TRPA1: variants seen among roughly 807,000 people sequenced by gnomAD.
TRPA1 encodes the protein ankyrin-like with transmembrane domains 1.
In TRPA1, 129 loss-of-function variants were observed where a neutral mutation model predicts 131.3. That is an observed-to-expected ratio of 0.98 (90% CI 0.85 to 1.14). TRPA1 has a LOEUF of 1.14. Ranked by LOEUF, TRPA1 falls within the 50% of genes most tolerant of loss-of-function variation. TRPA1 has a pLI of 0.00. For missense variants in TRPA1, 1,304 were observed against 1,354.2 expected (o/e 0.96, Z 0.58); for synonymous variants, 441 against 451.7 (o/e 0.98, Z 0.30).
At chr8:72,073,323 TC>T (rs1806106221) in intron 1 of TRPA1, among the ~76,000 whole-genome samples, 1 of 152,244 alleles carries the variant, frequency 6.6e-6, no homozygotes, top group Non-Finnish European at 1.5e-5. Flanking sequence ...GCTAAAAGCA[TC>T]AGTCCAATGG....
chr8:72,053,835 G>T lies in TRPA1; in HGVS notation c.1562C>A (p.Ala521Glu), dbSNP rs139821338. Residue 521 changes from alanine to glutamate, a missense_variant, in exon 13 of 27, where the codon GCG becomes GAG. Physicochemically the swap from Ala to Glu is moderately radical, Grantham distance 107. Transcript: ENST00000262209. Reference protein sequence around the residue: ...DHNGWTALHHASMGGYTQTMK... With the variant: ...DHNGWTALHHESMGGYTQTMK... ...GGTCTGAGTGTACCCGCCCATGGAC[G>T]CATGATGCAAAGCTGTCCAGCCATT... 1.2e-6 allele frequency: 2 copies of T among 1,611,882 alleles called. No individual in the cohort carries two copies. Among genetic ancestry groups the T allele is most frequent in the Admixed American group, 1.7e-5 (1 of 59,872 alleles).
chr8:72,044,829 C>T lies in TRPA1; in HGVS notation c.2061+1684G>A, dbSNP rs1045083980. 2.6e-5 allele frequency among the ~76,000 whole-genome samples: 4 copies of T among 151,946 alleles called. No homozygotes were observed. The East Asian group carries it at 7.7e-4, about 29-fold the overall frequency. On this transcript the variant is annotated intron_variant, in intron 17 of 26. Transcript: ENST00000262209. ...GGTTTCATAAGCTATTAAGGCATTG[C>T]AGAATCAGGTGCTGTTTTGATATCT... is the stretch of plus-strand genomic sequence containing the variant.
chr8:72,059,655 T>A (rs1203489104), intron 7 of TRPA1, among the ~76,000 whole-genome samples: 1 of 152,194 alleles, frequency 6.6e-6, no homozygotes, highest in East Asian at 1.9e-4. Flanking sequence ...AAATACATCA[T>A]ATTTTCTTCC....
intron 6 of TRPA1, chr8:72,062,207 T>A (rs1805825817): frequency 1.0e-5 from 2 of 193,826 alleles, no homozygotes. Context: ...TTATGAAGTT[T>A]CCAGAAGCCA....
chr8:72,088,366 C>CTTTTTTTTTTT, the TRPA1 span, among the ~76,000 whole-genome samples: 122 of 81,214 alleles, frequency 1.5e-3, no homozygotes, highest in Non-Finnish European at 1.9e-3. Context: ...TCTTTGAAAA[C>CTTTTTTTTTTT]TTTTTTTTTT....
intron 4 of TRPA1, 32 bp downstream of exon 4, chr8:72,065,419 A>G (rs1338981922): frequency 6.7e-7 from 1 of 1,501,694 alleles, no homozygotes. Context: ...GAAAAGATAA[A>G]GAAAGCAGAC....
upstream of TRPA1, chr8:72,075,683 G>C (rs894666176): frequency 2.0e-5 from 10 of 496,502 alleles, no homozygotes; most frequent in Middle Eastern, 1.1e-3. Context: ...GAGGGCGGCG[G>C]CGCCGCGTCT....
At chr8:72,089,662 C>G in the TRPA1 span, among the ~76,000 whole-genome samples, 1 of 152,004 alleles carries the variant, frequency 6.6e-6, no homozygotes, top group East Asian at 1.9e-4. Context: ...TCAGTGAATT[C>G]TAGACAACCA....
chr8:72,022,791 A>G lies in TRPA1; in HGVS notation c.*115T>C, dbSNP rs185543500. 1.2e-5 allele frequency: 12 copies of G among 977,854 alleles called. No homozygotes were observed. Among genetic ancestry groups the G allele is most frequent in the Non-Finnish European group, 1.4e-5 (9 of 627,784 alleles). 60.6% of individuals were successfully genotyped at this position (977,854 alleles called of 1,614,324 possible). ...TTTTATACAGCATGCAGGAACCATG[A>G]TTTCACACGCAGCAAAATGAATCAT... On this transcript the variant is annotated 3_prime_UTR_variant, in exon 27 of 27. Transcript: ENST00000262209.
rs780153786 is a variant in TRPA1, at chr8:72,046,556, G to A, written c.2018C>T (p.Thr673Ile). ...LQCPLEFTKKTPTQDVIYEPL... is the reference protein window; with the variant it reads ...LQCPLEFTKKIPTQDVIYEPL... The stretch of plus-strand genomic sequence containing the variant: ...TTCATATATAACATCCTGTGTAGGT[G>A]TTTTTTTGGTGAATTCTAATGGACA... The change falls in exon 17 of 27, where the codon ACA (threonine) becomes ATA (isoleucine). Residue 673 changes from threonine (T) to isoleucine (I), a missense_variant. Coordinates refer to ENST00000262209, the MANE Select transcript of TRPA1 (RefSeq NM_007332.3). The A allele has an allele frequency of 1.3e-6, 2 of 1,599,612 alleles. No individual in the cohort carries two copies. Among genetic ancestry groups the A allele is most frequent in the East Asian group, 2.2e-5 (1 of 44,566 alleles).
intron 23 of TRPA1, among the ~76,000 whole-genome samples, chr8:72,033,054 G>A (rs769271805): frequency 1.3e-5 from 2 of 152,222 alleles, no homozygotes; most frequent in Admixed American, 6.5e-5. Flanking sequence ...GCACTCTAAT[G>A]TCTGCTGATA....
intron 5 of TRPA1, 135 bp downstream of exon 5, chr8:72,063,328 T>G (rs1805851425): frequency 3.1e-6 from 2 of 652,230 alleles, no homozygotes; most frequent in Admixed American, 5.2e-5. Flanking sequence ...TGCAGTGAGC[T>G]GAGATCACAC....
chr8:72,080,846 T>C, the TRPA1 span, among the ~76,000 whole-genome samples: 85 of 151,798 alleles, frequency 5.6e-4, no homozygotes, highest in African/African-American at 2.0e-3. Flanking sequence ...TTCATAGAAT[T>C]CCTTTACAAT....
At chr8:72,088,455 A>G in the TRPA1 span, among the ~76,000 whole-genome samples, 5 of 149,486 alleles carry the variant, frequency 3.3e-5, no homozygotes, top group African/African-American at 9.9e-5. Flanking sequence ...TCTCAATCCA[A>G]TTGCTTTCTT....
At chr8:72,025,924 A>G (rs919260461) in intron 25 of TRPA1, 36 bp downstream of exon 25, 3 of 1,543,868 alleles carry the variant, frequency 1.9e-6, no homozygotes, top group African/African-American at 1.4e-5. Context: ...AAACAGTGTC[A>G]TGTTACTGAT....
At chr8:72,059,331 T>C in intron 8 of TRPA1, 59 bp downstream of exon 8, 2 of 1,137,362 alleles carry the variant, frequency 1.8e-6, no homozygotes, top group Non-Finnish European at 2.5e-6. Context: ...ATTATGTAAT[T>C]ATACGATTTC....
intron 23 of TRPA1, among the ~76,000 whole-genome samples, chr8:72,033,158 T>C (rs1260436532): frequency 2.0e-5 from 3 of 152,216 alleles, no homozygotes; most frequent in Non-Finnish European, 2.9e-5. Flanking sequence ...TGGTCAATGG[T>C]AAGTTCGAGC....
In TRPA1 at chr8:72,022,871, C is replaced by T. The variant is rs745899575; in HGVS notation, c.*35G>A. ...AAAGTTAGAACCAGCAAGTCATGCA[C>T]CCCCCATTAGAAGCCTCACTGAAGG... On this transcript the variant is annotated 3_prime_UTR_variant, in exon 27 of 27. Transcript: ENST00000262209. 7.8e-5 allele frequency: 124 copies of T among 1,579,770 alleles called. No individual in the cohort carries two copies. Among genetic ancestry groups the T allele is most frequent in the Non-Finnish European group, 1.0e-4 (115 of 1,149,930 alleles).
At chr8:72,027,260 A>C (rs1472391038) in intron 24 of TRPA1, among the ~76,000 whole-genome samples, 1 of 152,126 alleles carries the variant, frequency 6.6e-6, no homozygotes, top group African/African-American at 2.4e-5. Context: ...ACTGTTCATT[A>C]TCTACATAGG....
Sources: allele counts gnomAD v4.1 joint callset (sites outside exome capture counted in the v4.1 genomes callset), GRCh38; gene constraint gnomAD v4.1.1; transcripts MANE v1.5; gene names NCBI Gene and HGNC (gene_info 2026-07-23, HGNC 2026-07-21).